Variants in TMPRSS11A observed in about 807,000 individuals in gnomAD.
TMPRSS11A encodes the protein transmembrane protease serine 11A.
A neutral mutation model predicts 58.9 loss-of-function variants in TMPRSS11A; 53 were observed. The observed-to-expected ratio is 0.90, with a 90% CI of 0.72 to 1.13. TMPRSS11A has a LOEUF of 1.13. Among genes scored for constraint, TMPRSS11A ranks in the 50% most tolerant of loss-of-function variants. The pLI is 0.00. For synonymous variants in TMPRSS11A, 167 were observed against 169.8 expected (o/e 0.98, Z 0.13); for missense variants, 493 against 499.3 (o/e 0.99, Z 0.12).
At chr4:67,963,256 TAA>T in intron 1 of TMPRSS11A, 125 bp downstream of exon 1, 1 of 829,116 alleles carries the variant, frequency 1.2e-6, no homozygotes, top group Non-Finnish European at 1.8e-6. Context: ...TCCAGAAATT[TAA>T]AAAAATCCAG....
chr4:67,958,158 T>C (rs1228096271), intron 1 of TMPRSS11A, among the ~76,000 whole-genome samples: 1 of 152,174 alleles, frequency 6.6e-6, no homozygotes, highest in East Asian at 1.9e-4. Flanking sequence ...AGAAGTGAAC[T>C]ATCAAGTCAG....
intron 9 of TMPRSS11A, among the ~76,000 whole-genome samples, chr4:67,912,299 C>CACAT (rs1560561116): frequency 6.6e-6 from 1 of 151,938 alleles, no homozygotes; most frequent in African/African-American, 2.4e-5. Flanking sequence ...CACACACACA[C>CACAT]ACACACATAC....
intron 1 of TMPRSS11A, among the ~76,000 whole-genome samples, chr4:67,961,477 CTTTTCCTTTTTTTTTTTTTTT>C (rs1721418341): frequency 2.6e-3 from 6 of 2,320 alleles, no homozygotes; most frequent in African/African-American, 4.4e-3. Flanking sequence ...CTTTCCTTTT[CTTTTCCTTTTTTTTTTTTTTT>C]TTTTTTTTTT....
chr4:67,959,978 C>T (rs1293558096), intron 1 of TMPRSS11A, among the ~76,000 whole-genome samples: 1 of 152,166 alleles, frequency 6.6e-6, no homozygotes, highest in African/African-American at 2.4e-5. Flanking sequence ...CCATGGAATA[C>T]TATGCAGCTG....
Position 67,910,897 on chromosome 4 carries a change from T to C in TMPRSS11A, c.*445A>G, listed in dbSNP as rs1299912308. On this transcript the variant is annotated 3_prime_UTR_variant, in exon 10 of 10. Coordinates refer to ENST00000508048, the MANE Select transcript of TMPRSS11A (RefSeq NM_001114387.2). ...TGGAAAGGTACTTTGGAAAATCTGA[T>C]TGAATAAGGAAAAAGAAAAAAAAGT... 2 of 152,210 alleles carry C rather than the reference T, an allele frequency of 1.3e-5. No individual in the cohort carries two copies. The highest frequency in any genetic ancestry group is 2.9e-5 in the Non-Finnish European group (2 of 68,108). 9.4% of individuals were successfully genotyped at this position (152,210 alleles called of 1,614,324 possible). A position where few individuals can be genotyped will look rare whatever the true frequency, so the allele number is the denominator to read the frequency against.
At position 67,944,499 on chromosome 4, in the gene TMPRSS11A, A is replaced by G. The variant is rs1270442443; in HGVS notation, c.252+20T>C. The G allele has an allele frequency of 6.3e-7, 1 of 1,599,900 alleles. No homozygotes were observed. The highest frequency in any genetic ancestry group is 2.2e-5 in the East Asian group (1 of 44,742). ...TCCACTTGCATTATTCTATGATAAAAAGAAGTTTACCTGACTCACCAAATT... is the reference window on the plus strand; with the variant it reads ...TCCACTTGCATTATTCTATGATAAAGAGAAGTTTACCTGACTCACCAAATT... On this transcript the variant is annotated intron_variant, in intron 3 of 9. Transcript: ENST00000508048.
chr4:67,936,326 C>T (rs1368675508), intron 3 of TMPRSS11A, among the ~76,000 whole-genome samples: 2 of 136,386 alleles, frequency 1.5e-5, no homozygotes, highest in African/African-American at 5.8e-5. Flanking sequence ...CTGTATAAAA[C>T]TCTAGGTGTT....
At chr4:67,919,266 A>C in intron 7 of TMPRSS11A, 34 bp from the exon 8 acceptor site, 1 of 1,592,924 alleles carries the variant, frequency 6.3e-7, no homozygotes, top group Non-Finnish European at 8.6e-7. Flanking sequence ...GAATATATAT[A>C]AGCTGCCCAA....
chr4:67,916,223 A>G (rs1720141786), intron 8 of TMPRSS11A, among the ~76,000 whole-genome samples: 1 of 152,172 alleles, frequency 6.6e-6, no homozygotes, highest in South Asian at 2.1e-4. Flanking sequence ...ACTATACTTC[A>G]ACACATTATG....
At chr4:67,957,655 C>T (rs1203357388) in intron 1 of TMPRSS11A, among the ~76,000 whole-genome samples, 1 of 152,076 alleles carries the variant, frequency 6.6e-6, no homozygotes, top group Non-Finnish European at 1.5e-5. Flanking sequence ...TGCATCCTGA[C>T]AATGCGATAA....
At chr4:67,933,460 T>C (rs1720677945) in intron 3 of TMPRSS11A, among the ~76,000 whole-genome samples, 1 of 152,162 alleles carries the variant, frequency 6.6e-6, no homozygotes, top group Non-Finnish European at 1.5e-5. Flanking sequence ...GAACACATAG[T>C]AATAAGTTAT....
intron 1 of TMPRSS11A, among the ~76,000 whole-genome samples, chr4:67,958,946 G>C (rs753850336): frequency 5.8e-4 from 89 of 152,166 alleles, no homozygotes; most frequent in Non-Finnish European, 1.1e-3. Context: ...TCTCTTGTCT[G>C]CCACTGTGTA....
chr4:67,940,791 C>A (rs1411086357), intron 3 of TMPRSS11A, among the ~76,000 whole-genome samples: 2 of 152,158 alleles, frequency 1.3e-5, no homozygotes, highest in Non-Finnish European at 2.9e-5. Context: ...TTTGAACATG[C>A]AACACATGAA....
At chr4:67,962,331 C>T (rs6824047) in intron 1 of TMPRSS11A, among the ~76,000 whole-genome samples, 17,804 of 151,990 alleles carry the variant, frequency 0.12, 3,335 homozygotes, top group African/African-American at 0.39. Flanking sequence ...AGTTCACTAA[C>T]TTAGTGGCCA....
chr4:67,941,487 A>T (rs891708705), intron 3 of TMPRSS11A, among the ~76,000 whole-genome samples: 5 of 152,228 alleles, frequency 3.3e-5, no homozygotes, highest in Admixed American at 6.5e-5. Context: ...CCTTAATTAT[A>T]TCATGTCATG....
At chr4:67,911,812 A>G (rs1019839725) in intron 9 of TMPRSS11A, among the ~76,000 whole-genome samples, 7 of 152,164 alleles carry the variant, frequency 4.6e-5, no homozygotes, top group African/African-American at 1.7e-4. Context: ...CTGTTCTCCA[A>G]GAGGTAGCCA....
intron 1 of TMPRSS11A, among the ~76,000 whole-genome samples, chr4:67,959,376 G>C (rs1721370314): frequency 6.6e-6 from 1 of 152,126 alleles, no homozygotes. Context: ...AAACTAAAGA[G>C]TATCTGCACA....
chr4:67,951,585 GA>G (rs1486686769), intron 1 of TMPRSS11A, among the ~76,000 whole-genome samples: 1 of 87,936 alleles, frequency 1.1e-5, no homozygotes, highest in Non-Finnish European at 3.3e-5. Flanking sequence ...CTTTTGGGGG[GA>G]TATTTTTTTT....
At chr4:67,930,831 C>CCAA (rs1720597529) in intron 4 of TMPRSS11A, among the ~76,000 whole-genome samples, 1 of 74,740 alleles carries the variant, frequency 1.3e-5, no homozygotes, top group Admixed American at 2.1e-4. Context: ...TTTTTTTTTA[C>CCAA]AAAAAAAAAA....
Sources: allele counts gnomAD v4.1 joint callset (sites outside exome capture counted in the v4.1 genomes callset), GRCh38; gene constraint gnomAD v4.1.1; transcripts MANE v1.5; gene names NCBI Gene and HGNC (gene_info 2026-07-23, HGNC 2026-07-21).